LIN52: variants seen among roughly 807,000 people sequenced by gnomAD.
LIN52 encodes the protein lin-52 DREAM MuvB core complex component.
In LIN52, 4 loss-of-function variants were observed where a neutral mutation model predicts 18.5. That is an observed-to-expected ratio of 0.22 (90% CI 0.11 to 0.49). The LOEUF is 0.49. Ranked by LOEUF, LIN52 falls within the 20% of genes least tolerant of loss-of-function variation. The probability of loss-of-function intolerance (pLI) is 0.97; values close to 1 mark genes in which losing one functional copy is unlikely to be tolerated. For synonymous variants in LIN52, 34 were observed against 45.5 expected (o/e 0.75, Z 1.02); for missense variants, 102 against 139.5 (o/e 0.73, Z 1.35).
intron 5 of LIN52, among the ~76,000 whole-genome samples, chr14:74,176,875 A>G: frequency 6.6e-6 from 1 of 152,334 alleles, no homozygotes; most frequent in East Asian, 1.9e-4. Flanking sequence ...CTGCTAGACC[A>G]AAGTAACCAC....
intron 5 of LIN52, among the ~76,000 whole-genome samples, chr14:74,171,126 ATAATCC>A (rs1420789493): frequency 6.6e-6 from 1 of 151,914 alleles, no homozygotes; most frequent in Non-Finnish European, 1.5e-5. Flanking sequence ...GCTCATGCCT[ATAATCC>A]TAACACTTTG....
At chr14:74,171,337 C>T (rs1271470093) in intron 5 of LIN52, among the ~76,000 whole-genome samples, 1 of 150,938 alleles carries the variant, frequency 6.6e-6, no homozygotes, top group Non-Finnish European at 1.5e-5. Flanking sequence ...TACACTCCAG[C>T]CTAGGTGACA....
chr14:74,118,059 G>A (rs2060975491), intron 5 of LIN52, among the ~76,000 whole-genome samples: 2 of 152,162 alleles, frequency 1.3e-5, no homozygotes, highest in Admixed American at 1.3e-4. Context: ...TCCTTTCAAT[G>A]GAGAGTTGAA....
chr14:74,131,295 G>A (rs2061065531), intron 5 of LIN52, among the ~76,000 whole-genome samples: 1 of 150,594 alleles, frequency 6.6e-6, no homozygotes, highest in Non-Finnish European at 1.5e-5. Context: ...GGATATCCAA[G>A]AATAAACTTT....
rs570468196 is a variant in LIN52, at chr14:74,120,303, A to G, written c.283+19065A>G. ...AAAGAGTTTTTTCCCCCAACTTTTT[A>G]TTTGTTGAAATTTGAAATCTTTAAA... On this transcript the variant is annotated intron_variant, in intron 5 of 5. Coordinates refer to ENST00000555028, the MANE Select transcript of LIN52 (RefSeq NM_001024674.3). Among the ~76,000 whole-genome samples, 8 of 151,780 alleles carry G rather than the reference A, an allele frequency of 5.3e-5. No homozygotes were observed. In the South Asian group the frequency reaches 1.7e-3, roughly 32 times the overall value.
chr14:74,195,429 G>A (rs1175454031), intron 5 of LIN52, among the ~76,000 whole-genome samples: 1 of 152,220 alleles, frequency 6.6e-6, no homozygotes, highest in Admixed American at 6.5e-5. Context: ...TAAGCAGGCA[G>A]TAGTCATCTC....
At chr14:74,189,505 A>T (rs2061354613) in intron 5 of LIN52, among the ~76,000 whole-genome samples, 1 of 152,214 alleles carries the variant, frequency 6.6e-6, no homozygotes, top group Non-Finnish European at 1.5e-5. Context: ...TCATTTCTCG[A>T]ACACAGATCT....
At chr14:74,171,105 CA>C (rs2061268703) in intron 5 of LIN52, among the ~76,000 whole-genome samples, 3 of 151,762 alleles carry the variant, frequency 2.0e-5, no homozygotes, top group Admixed American at 2.0e-4. Context: ...AGGTACTGGC[CA>C]GGCATAGTGG....
chr14:74,088,898 G>A (rs1364682902), intron 1 of LIN52, among the ~76,000 whole-genome samples: 19 of 152,154 alleles, frequency 1.2e-4, no homozygotes, highest in Admixed American at 1.2e-3. Flanking sequence ...AGGGAAGAGT[G>A]GAAGAGAAAT....
intron 5 of LIN52, among the ~76,000 whole-genome samples, chr14:74,118,682 G>A (rs529800704): frequency 6.6e-6 from 1 of 152,320 alleles, no homozygotes; most frequent in South Asian, 2.1e-4. Flanking sequence ...GCTGAGGTGG[G>A]AGGATCACCT....
chr14:74,100,651 T>G (rs2060847493), intron 4 of LIN52, among the ~76,000 whole-genome samples: 1 of 152,182 alleles, frequency 6.6e-6, no homozygotes, highest in Non-Finnish European at 1.5e-5. Context: ...AATCGTTCTA[T>G]TTTTAGTAGA....
At chr14:74,190,583 G>A (rs986029562) in intron 5 of LIN52, among the ~76,000 whole-genome samples, 1 of 151,556 alleles carries the variant, frequency 6.6e-6, no homozygotes, top group African/African-American at 2.4e-5. Flanking sequence ...CTAGAGATGG[G>A]GTTCCACCAT....
intron 3 of LIN52, among the ~76,000 whole-genome samples, chr14:74,096,500 T>C (rs554617733): frequency 2.6e-5 from 4 of 152,248 alleles, no homozygotes; most frequent in African/African-American, 7.2e-5. Context: ...TTTTTGTTTT[T>C]TTGTTTTTTT....
intron 2 of LIN52, among the ~76,000 whole-genome samples, chr14:74,093,175 G>C (rs927875767): frequency 6.6e-6 from 1 of 151,888 alleles, no homozygotes. Flanking sequence ...TTGAACTCCT[G>C]ACCTCAGGTG....
intron 2 of LIN52, among the ~76,000 whole-genome samples, chr14:74,095,459 T>A (rs2060805011): frequency 6.6e-6 from 1 of 151,974 alleles, no homozygotes; most frequent in Non-Finnish European, 1.5e-5. Flanking sequence ...TTGTAGAGTC[T>A]GGGGTCTTGC....
chr14:74,152,246 G>A (rs1489482944), intron 5 of LIN52, among the ~76,000 whole-genome samples: 4 of 146,108 alleles, frequency 2.7e-5, no homozygotes, highest in African/African-American at 1.0e-4. Flanking sequence ...CTGGGTGACA[G>A]AGCAAACCTC....
intron 5 of LIN52, among the ~76,000 whole-genome samples, chr14:74,186,638 G>A (rs1473622921): frequency 6.6e-6 from 1 of 151,960 alleles, no homozygotes; most frequent in African/African-American, 2.4e-5. Context: ...CTGTCTCAGG[G>A]GGAACAAAAA....
intron 5 of LIN52, among the ~76,000 whole-genome samples, chr14:74,156,211 G>A (rs1212066868): frequency 6.6e-6 from 1 of 152,160 alleles, no homozygotes; most frequent in Non-Finnish European, 1.5e-5. Context: ...GCATTATTTG[G>A]TTACAGATCA....
intron 5 of LIN52, among the ~76,000 whole-genome samples, chr14:74,129,868 G>A (rs1055570615): frequency 2.0e-5 from 3 of 152,142 alleles, no homozygotes; most frequent in African/African-American, 7.2e-5. Flanking sequence ...TCATGCTGCT[G>A]ATAAAGACAT....
Sources: allele counts gnomAD v4.1 joint callset (sites outside exome capture counted in the v4.1 genomes callset), GRCh38; gene constraint gnomAD v4.1.1; transcripts MANE v1.5; gene names NCBI Gene and HGNC (gene_info 2026-07-23, HGNC 2026-07-21).